RAC1: variants seen among roughly 807,000 people sequenced by gnomAD.
RAC1 encodes the protein ras-related C3 botulinum toxin substrate 1.
RAC1 carries 2 observed loss-of-function variants against 25.2 expected under a neutral mutation model. The observed-to-expected ratio is 0.08, with a 90% CI of 0.03 to 0.25. RAC1 has a LOEUF of 0.25. RAC1 is among the 10% of genes least tolerant of loss of function. The pLI is 1.00. For synonymous variants in RAC1, 88 were observed against 94.0 expected (o/e 0.94, Z 0.37); for missense variants, 50 against 235.7 (o/e 0.21, Z 5.16).
intron 1 of RAC1, among the ~76,000 whole-genome samples, chr7:6,384,060 G>A (rs1223248200): frequency 1.3e-5 from 2 of 151,834 alleles, no homozygotes; most frequent in South Asian, 4.2e-4. Flanking sequence ...CTCCCAAAGT[G>A]CTGGGATTAC....
intron 1 of RAC1, among the ~76,000 whole-genome samples, chr7:6,381,797 G>C (rs1332035821): frequency 6.6e-6 from 1 of 152,162 alleles, no homozygotes; most frequent in Non-Finnish European, 1.5e-5. Context: ...CACTACTCTA[G>C]TGGTGTATTT....
At chr7:6,394,807 A>G (rs1237249693) in intron 3 of RAC1, among the ~76,000 whole-genome samples, 1 of 151,564 alleles carries the variant, frequency 6.6e-6, no homozygotes, top group East Asian at 1.9e-4. Context: ...TAGTCTCTCA[A>G]GTAGCTGGGA....
chr7:6,381,343 A>T (rs1782759168), intron 1 of RAC1, among the ~76,000 whole-genome samples: 1 of 149,496 alleles, frequency 6.7e-6, no homozygotes, highest in Admixed American at 6.7e-5. Context: ...GAGAAACTTT[A>T]TGCACTATCT....
chr7:6,401,844 C>T (rs369266734), intron 4 of RAC1, 24 bp from the exon 5 acceptor site: 12 of 1,604,410 alleles, frequency 7.5e-6, no homozygotes, highest in East Asian at 2.2e-5. Flanking sequence ...CGTGTCACAA[C>T]CTCTGTTCCT....
intron 1 of RAC1, among the ~76,000 whole-genome samples, chr7:6,379,702 C>G (rs861369): frequency 0.61 from 92,220 of 152,100 alleles, 29,944 homozygotes; most frequent in East Asian, 0.91. Flanking sequence ...GAGCCATCGT[C>G]CCTGGCCTAA....
chr7:6,401,601 C>A, intron 4 of RAC1: 1 of 270,940 alleles, frequency 3.7e-6, no homozygotes, highest in South Asian at 1.3e-4. Flanking sequence ...CTTCCCTTCC[C>A]CCCTTCCCCT....
At chr7:6,399,307 A>G (rs1277642295) in intron 3 of RAC1, among the ~76,000 whole-genome samples, 1 of 152,206 alleles carries the variant, frequency 6.6e-6, no homozygotes, top group East Asian at 1.9e-4. Context: ...TAGCTTGGGA[A>G]TTGTGTGCAT....
intron 4 of RAC1, 37 bp downstream of exon 4, chr7:6,400,225 A>G (rs1783357087): frequency 3.3e-6 from 5 of 1,515,462 alleles, no homozygotes; most frequent in Non-Finnish European, 4.6e-6. Flanking sequence ...TAAGTTATAG[A>G]ATGATCCTCT....
At chr7:6,375,123 G>T (rs1406776504) in intron 1 of RAC1, among the ~76,000 whole-genome samples, 1 of 146,102 alleles carries the variant, frequency 6.8e-6, no homozygotes, top group East Asian at 2.0e-4. Flanking sequence ...TCCAAAAAGG[G>T]ACCCTTTATT....
rs35326930 is a variant in RAC1, at chr7:6,394,911, A to G, written c.225+2870A>G. 7.3e-4 allele frequency among the ~76,000 whole-genome samples: 111 copies of G among 152,052 alleles called. 1 individual carries two copies. In the East Asian group the frequency reaches 0.015, roughly 20 times the overall value. The stretch of plus-strand genomic sequence containing the variant: ...GCTCTGTCGCCCAGGCTGGAGTGCA[A>G]TGGTGCGATCTTGGCTCACTGCAAG... On this transcript the variant is annotated intron_variant, in intron 3 of 5. Transcript: ENST00000348035.
intron 2 of RAC1, among the ~76,000 whole-genome samples, chr7:6,390,342 C>A (rs558405461): frequency 6.0e-4 from 91 of 152,040 alleles, no homozygotes; most frequent in South Asian, 3.9e-3. Context: ...TGGCTCACAC[C>A]TGTAATTCCA....
chr7:6,378,680 C>T (rs918166494), intron 1 of RAC1, among the ~76,000 whole-genome samples: 7 of 152,146 alleles, frequency 4.6e-5, no homozygotes, highest in Admixed American at 1.3e-4. Flanking sequence ...CTAAGATAGT[C>T]CTTTCTGAGC....
chr7:6,391,159 A>C lies in RAC1; in HGVS notation c.108-765A>C, dbSNP rs183154514. Among the ~76,000 whole-genome samples the C allele has an allele frequency of 2.4e-3, 363 of 151,882 alleles. 2 individuals carry two copies. Among genetic ancestry groups the C allele is most frequent in the African/African-American group, 8.4e-3 (349 of 41,424 alleles). On this transcript the variant is annotated intron_variant, in intron 2 of 5. Coordinates refer to ENST00000348035, the MANE Select transcript of RAC1 (RefSeq NM_006908.5). Reference sequence around the variant, plus strand: ...GTGATCCGCCCACCTCGGCCTCCCAAAGTGCTGGGATTACAGGCGTGAGCC... The same window carrying C: ...GTGATCCGCCCACCTCGGCCTCCCACAGTGCTGGGATTACAGGCGTGAGCC...
intron 3 of RAC1, among the ~76,000 whole-genome samples, chr7:6,396,538 TA>T (rs1191576238): frequency 6.6e-6 from 1 of 152,152 alleles, no homozygotes; most frequent in African/African-American, 2.4e-5. Flanking sequence ...AAGAGGCTCT[TA>T]AAAATCGAAA....
chr7:6,384,679 C>A (rs997030303), intron 1 of RAC1, among the ~76,000 whole-genome samples: 2 of 152,132 alleles, frequency 1.3e-5, no homozygotes, highest in South Asian at 2.1e-4. Context: ...CTATGTTGCC[C>A]AGGCTGGTCT....
At chr7:6,398,534 A>G in intron 3 of RAC1, 2 of 724,318 alleles carry the variant, frequency 2.8e-6, no homozygotes, top group Non-Finnish European at 4.7e-6. Context: ...GTTAGAATCT[A>G]TTGTATGCTT....
At chr7:6,387,036 T>C (rs1260575719) in intron 1 of RAC1, among the ~76,000 whole-genome samples, 176 bp from the exon 2 acceptor site, 2 of 152,186 alleles carry the variant, frequency 1.3e-5, no homozygotes, top group African/African-American at 4.8e-5. Flanking sequence ...TTACTTTAAA[T>C]TTCAGGGTAC....
At chr7:6,376,721 A>G (rs1272579035) in intron 1 of RAC1, among the ~76,000 whole-genome samples, 1 of 120,224 alleles carries the variant, frequency 8.3e-6, no homozygotes, top group African/African-American at 3.2e-5. Flanking sequence ...GAGTTTCACC[A>G]TGTTGGTGAG....
chr7:6,376,176 CTTTTTTTT>C (rs747387468), intron 1 of RAC1, among the ~76,000 whole-genome samples: 50 of 65,520 alleles, frequency 7.6e-4, no homozygotes, highest in Admixed American at 1.5e-3. Flanking sequence ...GCTATTCAGG[CTTTTTTTT>C]TTTTTTTTTT....
Sources: allele counts gnomAD v4.1 joint callset (sites outside exome capture counted in the v4.1 genomes callset), GRCh38; gene constraint gnomAD v4.1.1; transcripts MANE v1.5; gene names NCBI Gene and HGNC (gene_info 2026-07-23, HGNC 2026-07-21).